The following SEC24D variants were observed in gnomAD, a reference collection of about 807,000 sequenced individuals.
The protein encoded by SEC24D is protein transport protein Sec24D.
Under a neutral mutation model 116.9 loss-of-function variants are expected in SEC24D, and 69 were observed. The observed-to-expected ratio is 0.59, with a 90% CI of 0.49 to 0.72. SEC24D has a LOEUF of 0.72. Ranked by LOEUF, SEC24D falls within the 30% of genes least tolerant of loss-of-function variation. The probability of loss-of-function intolerance (pLI) is 0.00; values close to 1 mark genes in which losing one functional copy is unlikely to be tolerated. For synonymous variants in SEC24D, 405 were observed against 442.8 expected, an observed-to-expected ratio of 0.91 and a Z score of 1.07; for missense variants, 1,131 against 1,264.1, an observed-to-expected ratio of 0.89 and a Z score of 1.60.
At position 118,776,398 on chromosome 4, in the gene SEC24D, G is replaced by T. The variant is rs554137571; in HGVS notation, c.1042-8087C>A. Among the ~76,000 whole-genome samples the T allele has an allele frequency of 5.3e-5, 8 of 152,256 alleles. No homozygotes were observed. In the East Asian group the frequency reaches 1.5e-3, roughly 29 times the overall value. ...GGAAGGTCACATTAAACTGTACACT[G>T]AAGTCTATGAAAGGGCAGCTCCTGG... On this transcript the variant is annotated intron_variant, in intron 8 of 22. Transcript: ENST00000280551.
chr4:118,757,691 A>C (rs779899833), intron 11 of SEC24D, 30 bp downstream of exon 11: 1 of 1,592,922 alleles, frequency 6.3e-7, no homozygotes, highest in African/African-American at 1.4e-5. Context: ...AATAATGTAT[A>C]AGTTGTAAAA....
chr4:118,733,367 T>G (rs1725795270), intron 19 of SEC24D: 1 of 98,940 alleles, frequency 1.0e-5, no homozygotes, highest in Non-Finnish European at 2.0e-5. Context: ...TATATATGTT[T>G]AGATATATAC....
chr4:118,769,468 C>T (rs1049446646), intron 8 of SEC24D, among the ~76,000 whole-genome samples: 1 of 152,052 alleles, frequency 6.6e-6, no homozygotes, highest in Non-Finnish European at 1.5e-5. Context: ...TTTTTCTTTA[C>T]TGAAAAAGAT....
rs1415752009 is a variant in SEC24D, at chr4:118,789,558, G to T, written c.1041+8125C>A. ...AATATAAACAATCATTAACAAGAAA[G>T]ATTTAAACAGCATGTATTATTTATT... On this transcript the variant is annotated intron_variant, in intron 8 of 22. Transcript: ENST00000280551. Among the ~76,000 whole-genome samples the T allele has an allele frequency of 4.6e-5, 7 of 152,102 alleles. No homozygotes were observed. The East Asian group carries it at 1.3e-3, about 29-fold the overall frequency.
chr4:118,746,239 G>GGGAGGGAGGGAAGGAGGGAT (rs2110448935), intron 13 of SEC24D, among the ~76,000 whole-genome samples: 1 of 140,612 alleles, frequency 7.1e-6, no homozygotes, highest in Admixed American at 7.0e-5. Flanking sequence ...GAGGGAGGGA[G>GGGAGGGAGGGAAGGAGGGAT]GGAGGGAGGG....
chr4:118,726,909 T>A (rs1725444944), intron 22 of SEC24D, among the ~76,000 whole-genome samples: 1 of 152,242 alleles, frequency 6.6e-6, no homozygotes, highest in South Asian at 2.1e-4. Context: ...TCTTGATCCT[T>A]CCATACCAAC....
chr4:118,754,807 C>T (rs769633786), intron 11 of SEC24D, among the ~76,000 whole-genome samples: 2 of 152,102 alleles, frequency 1.3e-5, no homozygotes, highest in African/African-American at 2.4e-5. Flanking sequence ...AGCTTACCAG[C>T]ACACCACTAG....
chr4:118,816,521 T>C (rs112601687), intron 4 of SEC24D, among the ~76,000 whole-genome samples: 63 of 152,338 alleles, frequency 4.1e-4, no homozygotes, highest in African/African-American at 1.5e-3. Context: ...TCTCCAATCA[T>C]ATTGGAAATA....
chr4:118,757,042 T>A (rs1388588184), intron 11 of SEC24D, among the ~76,000 whole-genome samples: 1 of 152,206 alleles, frequency 6.6e-6, no homozygotes, highest in Non-Finnish European at 1.5e-5. Context: ...TTTCTTATGG[T>A]AAGACTGCCA....
intron 3 of SEC24D, among the ~76,000 whole-genome samples, chr4:118,822,739 T>G (rs1489281317): frequency 6.6e-6 from 1 of 151,018 alleles, no homozygotes; most frequent in Non-Finnish European, 1.5e-5. Flanking sequence ...GCTTGGCTAA[T>G]TTTCTATTTT....
At chr4:118,804,382 G>A (rs545012453) in intron 7 of SEC24D, among the ~76,000 whole-genome samples, 5 of 152,186 alleles carry the variant, frequency 3.3e-5, no homozygotes, top group East Asian at 1.9e-4. Context: ...GGAGAAAGAC[G>A]ATGAGATTGG....
intron 8 of SEC24D, among the ~76,000 whole-genome samples, chr4:118,780,674 T>C (rs569546215): frequency 3.0e-4 from 45 of 151,776 alleles, no homozygotes; most frequent in Non-Finnish European, 5.2e-4. Flanking sequence ...TTCTGTCTCA[T>C]TGATCTGTCT....
chr4:118,760,924 G>C (rs541521187), intron 10 of SEC24D, among the ~76,000 whole-genome samples: 2 of 151,094 alleles, frequency 1.3e-5, no homozygotes, highest in Non-Finnish European at 3.0e-5. Context: ...TCACTATGTT[G>C]GCCAGGTTGG....
intron 6 of SEC24D, among the ~76,000 whole-genome samples, chr4:118,813,448 C>A (rs1373757491): frequency 2.0e-5 from 3 of 152,178 alleles, no homozygotes; most frequent in African/African-American, 7.2e-5. Flanking sequence ...GTGGTGACAG[C>A]CTTCTTCTGG....
chr4:118,831,470 G>A (rs1730855301), intron 2 of SEC24D, among the ~76,000 whole-genome samples: 1 of 152,140 alleles, frequency 6.6e-6, no homozygotes, highest in Non-Finnish European at 1.5e-5. Context: ...TGACTGTGAC[G>A]TGCCTCAACA....
intron 13 of SEC24D, among the ~76,000 whole-genome samples, chr4:118,748,340 A>G (rs1230481339): frequency 6.6e-6 from 1 of 152,140 alleles, no homozygotes; most frequent in African/African-American, 2.4e-5. Flanking sequence ...AAAAAGGTCT[A>G]TATTGTTTAA....
chr4:118,789,114 A>G (rs1379959279), intron 8 of SEC24D, among the ~76,000 whole-genome samples: 1 of 152,262 alleles, frequency 6.6e-6, no homozygotes, highest in African/African-American at 2.4e-5. Context: ...ATACTGTTTT[A>G]TTGAAATTTG....
At chr4:118,745,408 G>A (rs1726468226) in intron 13 of SEC24D, among the ~76,000 whole-genome samples, 1 of 152,170 alleles carries the variant, frequency 6.6e-6, no homozygotes, top group Non-Finnish European at 1.5e-5. Context: ...TTCAGGACCA[G>A]GTAAATCCCA....
chr4:118,794,733 C>G (rs1729100891), intron 8 of SEC24D, among the ~76,000 whole-genome samples: 1 of 152,166 alleles, frequency 6.6e-6, no homozygotes, highest in African/African-American at 2.4e-5. Context: ...TACATTTCCT[C>G]AATTTTAGGA....
Sources: allele counts gnomAD v4.1 joint callset (sites outside exome capture counted in the v4.1 genomes callset), GRCh38; gene constraint gnomAD v4.1.1; transcripts MANE v1.5; gene names NCBI Gene and HGNC (gene_info 2026-07-23, HGNC 2026-07-21).